The following PDGFRA variants were observed in gnomAD, a reference collection of about 807,000 sequenced individuals.
The protein encoded by PDGFRA is platelet-derived growth factor receptor alpha.
In PDGFRA, 25 loss-of-function variants were observed where a neutral mutation model predicts 121.5. The ratio of observed to expected loss-of-function variants is 0.21; its 90% CI spans 0.15 to 0.29. The LOEUF (loss-of-function observed/expected upper bound fraction) is 0.29, where lower values mean the gene tolerates loss of function less well. Among genes scored for constraint, PDGFRA ranks in the 10% least tolerant of loss-of-function variants. The pLI is 1.00. For synonymous variants in PDGFRA, 463 were observed against 494.8 expected, an observed-to-expected ratio of 0.94 and a Z score of 0.85; for missense variants, 1,008 against 1,345.1, an observed-to-expected ratio of 0.75 and a Z score of 3.92.
chr4:54,277,217 C>T (rs1250563416), intron 12 of PDGFRA, 171 bp from the exon 13 acceptor site: 2 of 675,184 alleles, frequency 3.0e-6, no homozygotes, highest in African/African-American at 1.8e-5. Flanking sequence ...TAATTTCCTT[C>T]CCTGTGGGCT....
In PDGFRA at chr4:54,233,969, GC is replaced by G. The variant is rs1426543832; in HGVS notation, c.-13+4557del. 3.3e-5 allele frequency among the ~76,000 whole-genome samples: 5 copies of G among 152,376 alleles called. No homozygotes were observed. The East Asian group carries it at 9.7e-4, about 29-fold the overall frequency. On this transcript the variant is annotated intron_variant, in intron 1 of 22. Coordinates refer to ENST00000257290, the MANE Select transcript of PDGFRA (RefSeq NM_006206.6). ...GCGCGCGGACAGATAGGACAGCGCG[GC>G]CCGGGAACGGCGTCGAGGTCCAGGC...
chr4:54,249,493 A>T (rs976314365), intron 1 of PDGFRA, among the ~76,000 whole-genome samples: 6 of 152,200 alleles, frequency 3.9e-5, no homozygotes, highest in Non-Finnish European at 7.3e-5. Context: ...AGGGACATGG[A>T]TGAAATTGGA....
At chr4:54,293,948 T>A (rs1415425240) in intron 22 of PDGFRA, among the ~76,000 whole-genome samples, 2 of 151,984 alleles carry the variant, frequency 1.3e-5, no homozygotes, top group Non-Finnish European at 2.9e-5. Flanking sequence ...TGTGTTTTCC[T>A]CTTCTTTCCC....
chr4:54,279,320 G>A (rs1002382042), intron 15 of PDGFRA, among the ~76,000 whole-genome samples: 7 of 152,158 alleles, frequency 4.6e-5, no homozygotes, highest in African/African-American at 1.7e-4. Context: ...CATGGCAGCT[G>A]ACATTTGTGG....
chr4:54,261,452 C>G, intron 3 of PDGFRA, 40 bp downstream of exon 3: 1 of 1,311,992 alleles, frequency 7.6e-7, no homozygotes, highest in Non-Finnish European at 1.1e-6. Flanking sequence ...TTCTTCTCTT[C>G]CTGTCTCTCC....
At chr4:54,232,155 G>A (rs1166301692) in intron 1 of PDGFRA, among the ~76,000 whole-genome samples, 1 of 152,230 alleles carries the variant, frequency 6.6e-6, no homozygotes, top group African/African-American at 2.4e-5. Flanking sequence ...GCTAAAAGCC[G>A]GATCGGTGAC....
At position 54,277,899 on chromosome 4, in the gene PDGFRA, C is replaced by T. The variant is rs572964298; in HGVS notation, c.1895C>T (p.Thr632Met). The change falls in exon 14 of 23, where the codon ACG (threonine) becomes ATG (methionine). Residue 632 changes from threonine to methionine, a missense_variant. Physicochemically the swap from Thr to Met is moderately conservative, Grantham distance 81. Coordinates refer to ENST00000257290, the MANE Select transcript of PDGFRA (RefSeq NM_006206.6). ...MKVAVKMLKP[T>M]ARSSEKQALM... Reference sequence around the variant, plus strand: ...ATGTGATTTATTCTTTCAACAGCCACGGCCAGATCCAGTGAAAAACAAGCT... The same window carrying T: ...ATGTGATTTATTCTTTCAACAGCCATGGCCAGATCCAGTGAAAAACAAGCT... 26 of 1,607,342 alleles carry T rather than the reference C, an allele frequency of 1.6e-5. No individual in the cohort carries two copies. Among genetic ancestry groups the T allele is most frequent in the East Asian group, 4.5e-5 (2 of 44,842 alleles).
In PDGFRA at chr4:54,285,949, G is replaced by A. The variant is rs1560489674; in HGVS notation, c.2548G>A (p.Val850Met). ...AGACATCATGCATGATTCGAACTAT[G>A]TGTCGAAAGGCAGTGTACGTCCTCA... ...ARDIMHDSNY[V>M]SKGSTFLPVK... The change falls in exon 18 of 23, where the codon GTG (valine) becomes ATG (methionine). Residue 850 changes from valine to methionine, a missense_variant. Val to Met is a conservative substitution (Grantham distance 21). Around this residue, in one of 5 missense-constraint regions of PDGFRA, gnomAD observed 40 missense variants for 127.4 expected, o/e 0.31. Coordinates refer to ENST00000257290, the MANE Select transcript of PDGFRA (RefSeq NM_006206.6). 2 of 1,614,090 alleles carry A rather than the reference G, an allele frequency of 1.2e-6. No individual in the cohort carries two copies. The highest frequency in any genetic ancestry group is 8.5e-7 in the Non-Finnish European group (1 of 1,179,898).
At chr4:54,257,565 G>C (rs539600183) in intron 1 of PDGFRA, among the ~76,000 whole-genome samples, 1 of 152,210 alleles carries the variant, frequency 6.6e-6, no homozygotes, top group South Asian at 2.1e-4. Context: ...GATTTTTGGG[G>C]GGTTATGTTA....
At position 54,233,365 on chromosome 4, in the gene PDGFRA, G is replaced by C. The variant is rs569369383; in HGVS notation, c.-13+3950G>C. On this transcript the variant is annotated intron_variant, in intron 1 of 22. Coordinates refer to ENST00000257290, the MANE Select transcript of PDGFRA (RefSeq NM_006206.6). ...AGTCCGAGCGCAGAGCCTCCCGGGC[G>C]AAGTCTGCGCGCAGCACTCCCGGCT... Among the ~76,000 whole-genome samples the C allele has an allele frequency of 3.2e-4, 48 of 152,346 alleles. No homozygotes were observed. In the East Asian group the frequency reaches 9.3e-3, roughly 30 times the overall value.
In PDGFRA at chr4:54,295,407, CG is replaced by C; in HGVS notation, c.*139del. On this transcript the variant is annotated 3_prime_UTR_variant, in exon 23 of 23. Transcript: ENST00000257290. ...AAGAGAAGTTCCCAGCCAAGGGCCT[CG>C]GGGAGCGTTCTAAATATGAATGAAT... The C allele has an allele frequency of 1.2e-6, 1 of 814,504 alleles. No homozygotes were observed. Among genetic ancestry groups the C allele is most frequent in the Non-Finnish European group, 2.0e-6 (1 of 490,338 alleles). 50.5% of individuals were successfully genotyped at this position (814,504 alleles called of 1,614,324 possible).
At chr4:54,266,002 A>G (rs1723011031) in intron 5 of PDGFRA, among the ~76,000 whole-genome samples, 1 of 152,154 alleles carries the variant, frequency 6.6e-6, no homozygotes, top group African/African-American at 2.4e-5. Flanking sequence ...GGCATCTGAT[A>G]GGAAGTTGGG....
chr4:54,238,282 C>T (rs1311105125), intron 1 of PDGFRA, among the ~76,000 whole-genome samples: 2 of 152,194 alleles, frequency 1.3e-5, no homozygotes, highest in African/African-American at 4.8e-5. Flanking sequence ...CCACCAAAAA[C>T]TTTGATTAGG....
chr4:54,277,183 G>A (rs911474001), intron 12 of PDGFRA: 3 of 618,450 alleles, frequency 4.9e-6, no homozygotes, highest in African/African-American at 3.7e-5. Context: ...CCTTGCAAGT[G>A]TTATTCGACA....
chr4:54,295,307 G>GC lies in PDGFRA; in HGVS notation c.*37dup. 3 of 1,610,592 alleles carry GC rather than the reference G, an allele frequency of 1.9e-6. No homozygotes were observed. Among genetic ancestry groups the GC allele is most frequent in the Non-Finnish European group, 2.5e-6 (3 of 1,177,246 alleles). Reference sequence around the variant, plus strand: ...TCGAGGGGTTCCTTCCACTTCTGGGGCCACCTCTGGATCCCGTTCAGAAAA... The same window carrying GC: ...TCGAGGGGTTCCTTCCACTTCTGGGGCCCACCTCTGGATCCCGTTCAGAAAA... On this transcript the variant is annotated 3_prime_UTR_variant, in exon 23 of 23. Transcript: ENST00000257290.
Position 54,267,599 on chromosome 4 carries a change from G to C in PDGFRA, c.979G>C (p.Val327Leu), listed in dbSNP as rs748576202. The C allele has an allele frequency of 6.2e-7, 1 of 1,614,196 alleles. No homozygotes were observed. The highest frequency in any genetic ancestry group is 8.5e-7 in the Non-Finnish European group (1 of 1,180,042). Residue 327 changes from valine to leucine, a missense_variant, in exon 7 of 23, where the codon GTC (valine) becomes CTC (leucine). By Grantham distance (32) the Val-to-Leu change is conservative. Around this residue, in one of 5 missense-constraint regions of PDGFRA, gnomAD observed 575 missense variants for 701.8 expected, o/e 0.82. Transcript: ENST00000257290. ...IKPTFSQLEA[V>L]NLHEVKHFVV... is the part of the protein sequence containing the mutation. Reference sequence around the variant, plus strand: ...ACCCACCTTCAGCCAGTTGGAAGCTGTCAACCTGCATGAAGTCAAACATTT... The same window carrying C: ...ACCCACCTTCAGCCAGTTGGAAGCTCTCAACCTGCATGAAGTCAAACATTT...
intron 1 of PDGFRA, among the ~76,000 whole-genome samples, chr4:54,258,439 G>A (rs1722491821): frequency 6.6e-6 from 1 of 152,028 alleles, no homozygotes; most frequent in Admixed American, 6.6e-5. Flanking sequence ...TAGTTTGGAA[G>A]CTGAGAAAAA....
chr4:54,245,175 C>A (rs1423791844), intron 1 of PDGFRA, among the ~76,000 whole-genome samples: 1 of 152,192 alleles, frequency 6.6e-6, no homozygotes, highest in Non-Finnish European at 1.5e-5. Flanking sequence ...CCTCCCCAAT[C>A]TAGCAAGGCA....
rs1451046596 is a variant in PDGFRA at position 54,281,970 on chromosome 4, C to A, written c.2323+1488C>A. On this transcript the variant is annotated intron_variant, in intron 16 of 22. Transcript: ENST00000257290. ...TTTAAAAAGAAAATAAAGCAATTCA[C>A]AGAAACTACTTTTTCATGTAGCTTG... 2.8e-6 allele frequency: 3 copies of A among 1,085,212 alleles called. No homozygotes were observed. In the African/African-American group the frequency reaches 5.0e-5, roughly 18 times the overall value. The allele number at this position is 1,085,212 out of a possible 1,614,324, so 67.2% of individuals were successfully genotyped here.
Sources: gnomAD v4.1 joint callset for allele counts (sites outside exome capture counted in the v4.1 genomes callset) on GRCh38, gnomAD v4.1.1 for gene constraint, gnomAD v4.1.1 regional missense constraint, MANE v1.5 for transcripts, NCBI Gene and HGNC (gene_info 2026-07-23, HGNC 2026-07-21) for gene names.